The following FMNL2 variants were observed in gnomAD, a reference collection of about 807,000 sequenced individuals.
FMNL2 encodes formin like 2, also known as formin-like protein 2.
FMNL2 carries 51 observed loss-of-function variants against 130.2 expected under a neutral mutation model. The observed-to-expected ratio is 0.39, with a 90% CI of 0.31 to 0.49. The LOEUF is 0.49. Ranked by LOEUF, FMNL2 falls within the 20% of genes least tolerant of loss-of-function variation. FMNL2 has a pLI of 0.85. For synonymous variants in FMNL2, 465 were observed against 467.1 expected, an observed-to-expected ratio of 1.00 and a Z score of 0.06; for missense variants, 977 against 1,316.2, an observed-to-expected ratio of 0.74 and a Z score of 3.99.
At chr2:152,597,858 T>C (rs371659787) in intron 9 of FMNL2, among the ~76,000 whole-genome samples, 27 of 152,300 alleles carry the variant, frequency 1.8e-4, no homozygotes, top group African/African-American at 6.0e-4. Flanking sequence ...GCAAAATCCT[T>C]CTGCTTAAGA....
intron 1 of FMNL2, among the ~76,000 whole-genome samples, chr2:152,412,488 ATATATATATATAT>A (rs1428213246): frequency 1.9e-5 from 1 of 52,972 alleles, no homozygotes; most frequent in African/African-American, 6.0e-5. Flanking sequence ...ATATATATAT[ATATATATATATAT>A]AAATTAGAAA....
At chr2:152,530,824 A>G (rs1466010485) in intron 2 of FMNL2, among the ~76,000 whole-genome samples, 1 of 152,248 alleles carries the variant, frequency 6.6e-6, no homozygotes, top group East Asian at 1.9e-4. Flanking sequence ...CTGCTGCAGT[A>G]GTAAAACAAC....
chr2:152,518,161 TAAAG>T (rs1338485347), intron 1 of FMNL2, among the ~76,000 whole-genome samples: 1 of 152,186 alleles, frequency 6.6e-6, no homozygotes, highest in Non-Finnish European at 1.5e-5. Flanking sequence ...GAAAGAAGTT[TAAAG>T]GCAGTTATTA....
intron 1 of FMNL2, among the ~76,000 whole-genome samples, chr2:152,368,291 A>G (rs1683676832): frequency 6.6e-6 from 1 of 152,140 alleles, no homozygotes; most frequent in Non-Finnish European, 1.5e-5. Flanking sequence ...TTAGCCTTTC[A>G]TCCTTTATTG....
chr2:152,506,815 A>G (rs1579836644), intron 1 of FMNL2, among the ~76,000 whole-genome samples: 1 of 144,642 alleles, frequency 6.9e-6, no homozygotes. Context: ...TGGCTGTTTG[A>G]GAAAATATTA....
At chr2:152,361,553 A>G (rs1683178969) in intron 1 of FMNL2, among the ~76,000 whole-genome samples, 1 of 152,186 alleles carries the variant, frequency 6.6e-6, no homozygotes, top group Non-Finnish European at 1.5e-5. Context: ...TTTTGTTTCT[A>G]GGTGTCTACA....
At chr2:152,561,170 A>G (rs1240405318) in intron 6 of FMNL2, 135 bp downstream of exon 6, 2 of 936,908 alleles carry the variant, frequency 2.1e-6, no homozygotes, top group African/African-American at 1.7e-5. Flanking sequence ...CTCTAAATGA[A>G]TGTTTCTTTA....
At chr2:152,344,277 A>G (rs551795907) in intron 1 of FMNL2, among the ~76,000 whole-genome samples, 1 of 152,222 alleles carries the variant, frequency 6.6e-6, no homozygotes, top group Non-Finnish European at 1.5e-5. Context: ...GAAGGTTTGA[A>G]TGTGCAGCCA....
At chr2:152,548,593 G>A (rs752303951) in intron 3 of FMNL2, among the ~76,000 whole-genome samples, 6 of 152,138 alleles carry the variant, frequency 3.9e-5, no homozygotes, top group East Asian at 1.9e-4. Context: ...TTTCCTGCAC[G>A]TTTTATCCTA....
intron 1 of FMNL2, among the ~76,000 whole-genome samples, chr2:152,497,277 C>T (rs907513164): frequency 2.0e-5 from 3 of 152,086 alleles, no homozygotes; most frequent in South Asian, 2.1e-4. Flanking sequence ...ACATACCCCA[C>T]GAGAAATTTG....
intron 1 of FMNL2, 40 bp downstream of exon 1, chr2:152,335,760 C>T (rs761138771): frequency 9.6e-6 from 14 of 1,456,198 alleles, no homozygotes; most frequent in South Asian, 3.9e-5. Flanking sequence ...GACCCGGGGC[C>T]CCGGGCCGGG....
intron 25 of FMNL2, among the ~76,000 whole-genome samples, chr2:152,644,363 T>A (rs1176470557): frequency 6.6e-6 from 1 of 152,224 alleles, no homozygotes; most frequent in Admixed American, 6.5e-5. Flanking sequence ...TGCGAAGTGC[T>A]CTAAAGTGCA....
intron 9 of FMNL2, among the ~76,000 whole-genome samples, chr2:152,591,784 C>T (rs1000205217): frequency 3.3e-5 from 5 of 150,698 alleles, no homozygotes; most frequent in East Asian, 2.0e-4. Flanking sequence ...CCAGCCTGGG[C>T]GACACAGCGA....
At chr2:152,524,236 T>C (rs968352031) in intron 2 of FMNL2, among the ~76,000 whole-genome samples, 1 of 152,228 alleles carries the variant, frequency 6.6e-6, no homozygotes, top group Non-Finnish European at 1.5e-5. Flanking sequence ...AGAAATTCTG[T>C]CCCAAATTTA....
intron 21 of FMNL2, among the ~76,000 whole-genome samples, chr2:152,634,008 G>A (rs1028655147): frequency 5.9e-5 from 9 of 152,320 alleles, no homozygotes; most frequent in Non-Finnish European, 8.8e-5. Flanking sequence ...ACTATCATAA[G>A]TATTAGAGAA....
intron 1 of FMNL2, among the ~76,000 whole-genome samples, chr2:152,465,348 G>C (rs1579729692): frequency 6.6e-6 from 1 of 152,352 alleles, no homozygotes; most frequent in South Asian, 2.1e-4. Flanking sequence ...AGGTTCAAAG[G>C]AGCCCGAGAG....
intron 1 of FMNL2, among the ~76,000 whole-genome samples, chr2:152,400,327 G>A (rs929101921): frequency 7.2e-5 from 11 of 152,312 alleles, no homozygotes; most frequent in African/African-American, 2.6e-4. Context: ...CAGCTACTCT[G>A]TGGGCTGAGG....
At chr2:152,479,718 G>GTTTTT (rs749726414) in intron 1 of FMNL2, among the ~76,000 whole-genome samples, 6 of 96,734 alleles carry the variant, frequency 6.2e-5, no homozygotes, top group Non-Finnish European at 6.3e-5. Flanking sequence ...GTTGTGGGTT[G>GTTTTT]TTTTTTTTTT....
Position 152,649,124 on chromosome 2 carries a change from A to G in FMNL2, c.*1219A>G, listed in dbSNP as rs1683862384. The G allele has an allele frequency of 6.6e-6, 1 of 152,594 alleles. No homozygotes were observed. Among genetic ancestry groups the G allele is most frequent in the Non-Finnish European group, 1.5e-5 (1 of 68,026 alleles). 9.5% of individuals were successfully genotyped at this position (152,594 alleles called of 1,614,324 possible). On this transcript the variant is annotated 3_prime_UTR_variant, in exon 26 of 26. Coordinates refer to ENST00000288670, the MANE Select transcript of FMNL2 (RefSeq NM_052905.4). ...ATATATTAATTGTAAAGTTTATTGTATAGTATTTAACCGCTGAAGTTCCTA... is the reference window on the plus strand; with the variant it reads ...ATATATTAATTGTAAAGTTTATTGTGTAGTATTTAACCGCTGAAGTTCCTA...
Sources: gnomAD v4.1 joint callset for allele counts (sites outside exome capture counted in the v4.1 genomes callset) on GRCh38, gnomAD v4.1.1 for gene constraint, MANE v1.5 for transcripts, NCBI Gene and HGNC (gene_info 2026-07-23, HGNC 2026-07-21) for gene names.